The following MGAT4C variants were observed in gnomAD, a reference collection of about 807,000 sequenced individuals.
MGAT4C encodes the protein alpha-1,3-mannosyl-glycoprotein 4-beta-N-acetylglucosaminyltransferase C.
MGAT4C carries 19 observed loss-of-function variants against 40.1 expected under a neutral mutation model. That is an observed-to-expected ratio of 0.47 (90% CI 0.33 to 0.70). MGAT4C has a LOEUF of 0.70. Ranked by LOEUF, MGAT4C falls within the 30% of genes least tolerant of loss-of-function variation. MGAT4C has a pLI of 0.02. For synonymous variants in MGAT4C, 181 were observed against 187.1 expected, an observed-to-expected ratio of 0.97 and a Z score of 0.27; for missense variants, 491 against 563.2, an observed-to-expected ratio of 0.87 and a Z score of 1.30.
chr12:86,772,635 T>G (rs1165351598), intron 1 of MGAT4C, among the ~76,000 whole-genome samples: 1 of 59,910 alleles, frequency 1.7e-5, no homozygotes, highest in Non-Finnish European at 4.9e-5. Context: ...GCTACCATGA[T>G]GGTCCAGAGG....
intron 1 of MGAT4C, among the ~76,000 whole-genome samples, chr12:86,788,762 A>G (rs551472661): frequency 1.5e-3 from 226 of 152,296 alleles, no homozygotes; most frequent in African/African-American, 5.2e-3. Flanking sequence ...GGAAAATGTT[A>G]TTATAGAATA....
intron 1 of MGAT4C, among the ~76,000 whole-genome samples, chr12:86,173,753 A>G (rs900106944): frequency 6.6e-5 from 10 of 152,064 alleles, no homozygotes; most frequent in African/African-American, 2.2e-4. Flanking sequence ...TTTTGTAAAT[A>G]TAGTTTTGGA....
intron 1 of MGAT4C, among the ~76,000 whole-genome samples, chr12:86,735,911 T>G (rs943489835): frequency 6.6e-6 from 1 of 151,896 alleles, no homozygotes; most frequent in Non-Finnish European, 1.5e-5. Context: ...TAACCTTTCT[T>G]CTGCATACTT....
chr12:86,174,124 T>TACAC (rs71445051), intron 1 of MGAT4C, among the ~76,000 whole-genome samples: 35,967 of 143,684 alleles, frequency 0.25, 4,468 homozygotes, highest in East Asian at 0.41. Context: ...CACACACACA[T>TACAC]ACACACACAC....
At chr12:86,114,269 G>A (rs985260741) in intron 1 of MGAT4C, among the ~76,000 whole-genome samples, 6 of 151,732 alleles carry the variant, frequency 4.0e-5, no homozygotes, top group Non-Finnish European at 7.4e-5. Context: ...AATCAAAAAG[G>A]ACACCTGTTA....
intron 3 of MGAT4C, among the ~76,000 whole-genome samples, chr12:86,416,567 C>G (rs1956720278): frequency 6.6e-6 from 1 of 151,918 alleles, no homozygotes; most frequent in South Asian, 2.1e-4. Context: ...CACATTTGGC[C>G]AGGTTAAGGT....
intron 2 of MGAT4C, among the ~76,000 whole-genome samples, chr12:86,679,926 G>A (rs1949949731): frequency 6.6e-6 from 1 of 152,062 alleles, no homozygotes; most frequent in African/African-American, 2.4e-5. Context: ...CTATTCTCTA[G>A]GATGGTCTTT....
At position 86,031,205 on chromosome 12, in the gene MGAT4C, T is replaced by A. The variant is rs558443047; in HGVS notation, c.-7+18469A>T. On this transcript the variant is annotated intron_variant, in intron 2 of 4. Coordinates refer to ENST00000611864, the MANE Select transcript of MGAT4C (RefSeq NM_001351288.2). ...CTTAAGCACTAGAATCACAGTGTGGTAAGAGGTTAAGTAGGAACTAATAAT... is the reference window on the plus strand; with the variant it reads ...CTTAAGCACTAGAATCACAGTGTGGAAAGAGGTTAAGTAGGAACTAATAAT... 1.3e-3 allele frequency among the ~76,000 whole-genome samples: 201 copies of A among 151,872 alleles called. 1 individual carries two copies. Among genetic ancestry groups the A allele is most frequent in the Non-Finnish European group, 2.6e-3 (176 of 67,782 alleles).
intron 2 of MGAT4C, among the ~76,000 whole-genome samples, chr12:86,482,554 TG>T (rs1241154616): frequency 6.6e-6 from 1 of 152,064 alleles, no homozygotes; most frequent in Non-Finnish European, 1.5e-5. Flanking sequence ...ACCTTCTAAA[TG>T]TATATGTTGT....
chr12:86,065,170 CA>C (rs1272141745), intron 1 of MGAT4C, among the ~76,000 whole-genome samples: 1 of 152,126 alleles, frequency 6.6e-6, no homozygotes, highest in Admixed American at 6.5e-5. Context: ...GAAACTGTTC[CA>C]AACAATACAT....
chr12:86,408,479 C>CTCTATATATATA (rs1267344319), intron 3 of MGAT4C, among the ~76,000 whole-genome samples: 20 of 63,338 alleles, frequency 3.2e-4, no homozygotes, highest in African/African-American at 1.1e-3. Context: ...CTCTCTCTCT[C>CTCTATATATATA]TATATATATA....
chr12:86,090,791 T>C (rs1198319028), intron 1 of MGAT4C, among the ~76,000 whole-genome samples: 1 of 151,688 alleles, frequency 6.6e-6, no homozygotes, highest in African/African-American at 2.4e-5. Flanking sequence ...TTTTTAATAC[T>C]TTTTTTTGTT....
At chr12:86,771,532 A>AT (rs1256176818) in intron 1 of MGAT4C, among the ~76,000 whole-genome samples, 1 of 152,110 alleles carries the variant, frequency 6.6e-6, no homozygotes, top group Non-Finnish European at 1.5e-5. Context: ...CCTCTTAAAA[A>AT]ATATATATGT....
chr12:86,059,457 T>C (rs1893724282), intron 1 of MGAT4C, among the ~76,000 whole-genome samples: 1 of 152,220 alleles, frequency 6.6e-6, no homozygotes, highest in Non-Finnish European at 1.5e-5. Flanking sequence ...GAAACCATAG[T>C]TCTCTGCAGG....
intron 1 of MGAT4C, among the ~76,000 whole-genome samples, chr12:86,820,073 A>G (rs1952679491): frequency 6.6e-6 from 1 of 150,876 alleles, no homozygotes; most frequent in African/African-American, 2.4e-5. Flanking sequence ...TGGAAAGCAA[A>G]TATTACAAAA....
At chr12:86,187,445 G>A (rs370000784) in intron 1 of MGAT4C, among the ~76,000 whole-genome samples, 4 of 151,882 alleles carry the variant, frequency 2.6e-5, no homozygotes, top group African/African-American at 7.2e-5. Context: ...TCCATTGTCC[G>A]AAACAGGGTC....
At chr12:85,991,577 G>T (rs1172481803) in intron 2 of MGAT4C, among the ~76,000 whole-genome samples, 1 of 152,142 alleles carries the variant, frequency 6.6e-6, no homozygotes, top group Non-Finnish European at 1.5e-5. Flanking sequence ...CCCCTCCTTG[G>T]TTATCCTTCC....
intron 2 of MGAT4C, among the ~76,000 whole-genome samples, chr12:86,696,881 C>G (rs1248073550): frequency 6.6e-6 from 1 of 152,012 alleles, no homozygotes; most frequent in Non-Finnish European, 1.5e-5. Context: ...AGTAAGAAAG[C>G]TATATTCTGA....
At chr12:86,448,957 AG>A (rs1957381731) in intron 2 of MGAT4C, among the ~76,000 whole-genome samples, 1 of 152,206 alleles carries the variant, frequency 6.6e-6, no homozygotes, top group South Asian at 2.1e-4. Context: ...TTTATCATTG[AG>A]GAGTACATGA....
Sources: gnomAD v4.1 joint callset for allele counts (sites outside exome capture counted in the v4.1 genomes callset) on GRCh38, gnomAD v4.1.1 for gene constraint, MANE v1.5 for transcripts, NCBI Gene and HGNC (gene_info 2026-07-23, HGNC 2026-07-21) for gene names.